Variants in CLEC16A observed in about 807,000 individuals in gnomAD.
CLEC16A encodes protein CLEC16A.
CLEC16A carries 51 observed loss-of-function variants against 109.5 expected under a neutral mutation model. The observed-to-expected ratio is 0.47, with a 90% CI of 0.37 to 0.59. The LOEUF (loss-of-function observed/expected upper bound fraction) is 0.59. CLEC16A is among the 20% of genes least tolerant of loss of function. CLEC16A has a pLI of 0.00. For synonymous variants in CLEC16A, 673 were observed against 564.2 expected (o/e 1.19, Z -2.73); for missense variants, 1,339 against 1,394.0 (o/e 0.96, Z 0.63).
At chr16:10,953,672 C>A (rs946638453) in intron 1 of CLEC16A, among the ~76,000 whole-genome samples, 5 of 152,190 alleles carry the variant, frequency 3.3e-5, no homozygotes, top group Middle Eastern at 3.2e-3. Context: ...AAAAGCCACA[C>A]AGCCTAATTT....
intron 19 of CLEC16A, among the ~76,000 whole-genome samples, chr16:11,099,813 C>T (rs1174174141): frequency 6.6e-6 from 1 of 152,202 alleles, no homozygotes; most frequent in Non-Finnish European, 1.5e-5. Context: ...TCTCTGCTTT[C>T]ATTCTTCCCT....
intron 19 of CLEC16A, among the ~76,000 whole-genome samples, chr16:11,103,533 A>T (rs12924667): frequency 0.46 from 69,323 of 152,002 alleles, 16,059 homozygotes; most frequent in African/African-American, 0.53. Flanking sequence ...TAAGCCAGGA[A>T]TGCGCCATTG....
chr16:11,077,964 C>CGT (rs34576806), intron 19 of CLEC16A, among the ~76,000 whole-genome samples: 14,070 of 135,462 alleles, frequency 0.1, 816 homozygotes, highest in Admixed American at 0.22. Context: ...CAAAAAAAAA[C>CGT]GTGTGTGTGT....
chr16:10,944,619 G>GCCGCCGCATCCT lies in CLEC16A; in HGVS notation c.-94_-83dup, dbSNP rs1288520175. 9 of 1,192,990 alleles carry GCCGCCGCATCCT rather than the reference G, an allele frequency of 7.5e-6. No homozygotes were observed. Among genetic ancestry groups the GCCGCCGCATCCT allele is most frequent in the South Asian group, 7.1e-5 (5 of 70,678 alleles). 73.9% of individuals were successfully genotyped at this position (1,192,990 alleles called of 1,614,324 possible). ...GGCTCGCGGTTCCTCCACCGCCTCC[G>GCCGCCGCATCCT]CCGCCGCATCCTCCGCTTGTGCTAC... On this transcript the variant is annotated 5_prime_UTR_variant, in exon 1 of 24. Transcript: ENST00000409790.
At chr16:11,061,140 A>G (rs1326585222) in intron 19 of CLEC16A, 118 bp downstream of exon 19, 3 of 1,230,390 alleles carry the variant, frequency 2.4e-6, no homozygotes, top group Admixed American at 2.8e-5. Context: ...TTGTACTATT[A>G]TTGAGCTGTG....
intron 19 of CLEC16A, among the ~76,000 whole-genome samples, chr16:11,105,274 C>T (rs750558380): frequency 6.6e-6 from 1 of 152,180 alleles, no homozygotes; most frequent in Non-Finnish European, 1.5e-5. Flanking sequence ...GGAACTGCTG[C>T]TCCCTTGGAC....
intron 9 of CLEC16A, among the ~76,000 whole-genome samples, chr16:10,981,290 T>C (rs2043308854): frequency 6.6e-6 from 1 of 152,190 alleles, no homozygotes; most frequent in Non-Finnish European, 1.5e-5. Flanking sequence ...GTGTTGTTGG[T>C]AGAGTGATGT....
chr16:11,133,347 A>G (rs2053349509), intron 22 of CLEC16A, among the ~76,000 whole-genome samples: 1 of 151,874 alleles, frequency 6.6e-6, no homozygotes, highest in African/African-American at 2.4e-5. Context: ...TCAAAAAAAA[A>G]AAAAAATTTT....
chr16:11,117,187 G>C (rs969530355), intron 19 of CLEC16A, among the ~76,000 whole-genome samples: 5 of 152,186 alleles, frequency 3.3e-5, no homozygotes, highest in African/African-American at 1.2e-4. Context: ...AGGCAGGGGG[G>C]TGACAGGGGT....
intron 19 of CLEC16A, among the ~76,000 whole-genome samples, chr16:11,102,881 C>T (rs1048695387): frequency 1.3e-5 from 2 of 152,254 alleles, no homozygotes; most frequent in Non-Finnish European, 2.9e-5. Flanking sequence ...AATATCACCT[C>T]TATTTGCTGA....
At chr16:11,096,176 C>G (rs2050601084) in intron 19 of CLEC16A, among the ~76,000 whole-genome samples, 1 of 100,676 alleles carries the variant, frequency 9.9e-6, no homozygotes, top group South Asian at 3.0e-4. Context: ...GACCCCATCT[C>G]TAAAAAAAAA....
chr16:10,959,012 C>CA (rs1407329698), intron 2 of CLEC16A, among the ~76,000 whole-genome samples: 2 of 113,092 alleles, frequency 1.8e-5, no homozygotes, highest in African/African-American at 8.4e-5. Flanking sequence ...CCACTAAACA[C>CA]GGGTGTGTGT....
At chr16:11,099,940 T>C (rs1316891242) in intron 19 of CLEC16A, among the ~76,000 whole-genome samples, 2 of 152,128 alleles carry the variant, frequency 1.3e-5, no homozygotes, top group African/African-American at 2.4e-5. Context: ...GTGGGGATTG[T>C]GATTCTTACC....
At chr16:11,045,791 C>G (rs2047605762) in intron 16 of CLEC16A, among the ~76,000 whole-genome samples, 2 of 152,208 alleles carry the variant, frequency 1.3e-5, no homozygotes, top group South Asian at 4.1e-4. Flanking sequence ...GTCCCCTGTA[C>G]TTTCATTATT....
At chr16:11,002,555 A>G (rs563670614) in intron 10 of CLEC16A, among the ~76,000 whole-genome samples, 1 of 152,240 alleles carries the variant, frequency 6.6e-6, no homozygotes, top group Non-Finnish European at 1.5e-5. Flanking sequence ...ACATTGATGT[A>G]TTGCATTGTG....
intron 20 of CLEC16A, among the ~76,000 whole-genome samples, chr16:11,121,487 C>T (rs887000925): frequency 2.6e-5 from 4 of 152,138 alleles, no homozygotes; most frequent in Admixed American, 6.5e-5. Context: ...AATTCCCTTC[C>T]GCTCAACGTC....
In CLEC16A at chr16:10,954,094, G is replaced by A. The variant is rs1369258461; in HGVS notation, c.81-3688G>A. ...TTCACTACTGGAAGAAAGCCCCCAC[G>A]CAATATCACTGCATACCCAGCAGAT... On this transcript the variant is annotated intron_variant, in intron 1 of 23. Coordinates refer to ENST00000409790, the MANE Select transcript of CLEC16A (RefSeq NM_015226.3). This position sits in a 1 kb window ranked among gnomAD's most constrained non-coding sequence, Gnocchi z 4.2. Among the ~76,000 whole-genome samples the A allele has an allele frequency of 2.0e-5, 3 of 152,142 alleles. No homozygotes were observed. The highest frequency in any genetic ancestry group is 4.8e-5 in the African/African-American group (2 of 41,420).
intron 22 of CLEC16A, among the ~76,000 whole-genome samples, chr16:11,158,071 G>C (rs1426961953): frequency 6.6e-6 from 1 of 152,184 alleles, no homozygotes; most frequent in Admixed American, 6.5e-5. Context: ...GGACCTGGCA[G>C]GCTGCACTGG....
chr16:11,001,950 T>TA (rs1309438106), intron 10 of CLEC16A, among the ~76,000 whole-genome samples: 1 of 152,242 alleles, frequency 6.6e-6, no homozygotes, highest in Non-Finnish European at 1.5e-5. Flanking sequence ...TCTGGTTATT[T>TA]ATGTTTAATA....
Sources: allele counts gnomAD v4.1 joint callset (sites outside exome capture counted in the v4.1 genomes callset), GRCh38; gene constraint gnomAD v4.1.1; non-coding constraint Gnocchi (gnomAD v3.1); transcripts MANE v1.5; gene names NCBI Gene and HGNC (gene_info 2026-07-23, HGNC 2026-07-21).